Variants in ZNF675 observed in about 807,000 individuals in gnomAD.
ZNF675 encodes the protein TRAF6 inhibitory zinc finger.
ZNF675 carries 36 observed loss-of-function variants against 56.1 expected under a neutral mutation model. The observed-to-expected ratio is 0.64, with a 90% CI of 0.49 to 0.85. The LOEUF (loss-of-function observed/expected upper bound fraction) is 0.85, where lower values mean the gene tolerates loss of function less well. Among genes scored for constraint, ZNF675 ranks in the 40% least tolerant of loss-of-function variants. The pLI is 0.00. For missense variants in ZNF675, 663 were observed against 654.2 expected (o/e 1.01, Z -0.15); for synonymous variants, 200 against 218.9 (o/e 0.91, Z 0.76).
At chr19:23,685,826 A>G (rs1341079015) in intron 1 of ZNF675, among the ~76,000 whole-genome samples, 1 of 152,184 alleles carries the variant, frequency 6.6e-6, no homozygotes, top group Non-Finnish European at 1.5e-5. Flanking sequence ...ACTGCAAGTC[A>G]TAGTTAGTCT....
chr19:23,683,401 C>T (rs1968401957), intron 1 of ZNF675, among the ~76,000 whole-genome samples: 1 of 151,868 alleles, frequency 6.6e-6, no homozygotes, highest in South Asian at 2.1e-4. Context: ...ACTACATTTT[C>T]TTGTGGAAAG....
At chr19:23,684,149 C>T (rs1968412993) in intron 1 of ZNF675, among the ~76,000 whole-genome samples, 1 of 151,628 alleles carries the variant, frequency 6.6e-6, no homozygotes, top group African/African-American at 2.4e-5. Context: ...GTAATCCCAG[C>T]TACTCGGGAG....
At chr19:23,682,978 C>A (rs570133231) in intron 1 of ZNF675, among the ~76,000 whole-genome samples, 2 of 151,772 alleles carry the variant, frequency 1.3e-5, no homozygotes, top group African/African-American at 4.9e-5. Context: ...CACCTGAAGT[C>A]AGGAGTTCGA....
intron 1 of ZNF675, among the ~76,000 whole-genome samples, chr19:23,681,029 G>A (rs1162207104): frequency 6.6e-6 from 1 of 151,730 alleles, no homozygotes; most frequent in African/African-American, 2.4e-5. Flanking sequence ...TCCATGGGTG[G>A]AGGAGAGTGC....
At chr19:23,659,195 G>A (rs889914079) in intron 3 of ZNF675, among the ~76,000 whole-genome samples, 2 of 151,854 alleles carry the variant, frequency 1.3e-5, no homozygotes, top group Non-Finnish European at 2.9e-5. Context: ...AATATGGAGT[G>A]CCTACAAATT....
chr19:23,653,595 A>G lies in ZNF675; in HGVS notation c.1338T>C (p.His446=). The G allele has an allele frequency of 6.2e-7, 1 of 1,612,810 alleles. No homozygotes were observed. The highest frequency in any genetic ancestry group is 1.1e-5 in the South Asian group (1 of 90,956). The change falls in exon 4 of 4, where the codon CAT becomes CAC. Residue 446 remains histidine, a synonymous_variant. Coordinates refer to ENST00000359788, the MANE Select transcript of ZNF675 (RefSeq NM_138330.3). ...SSKLTEHKKL[H]TGKKPYKCEE... The stretch of plus-strand genomic sequence containing the variant: ...CACATTTGTAGGGTTTCTTTCCAGT[A>G]TGAAGTTTCTTATGTTCAGTAAGTT...
At chr19:23,675,066 A>G (rs1968278983) in intron 1 of ZNF675, among the ~76,000 whole-genome samples, 1 of 151,832 alleles carries the variant, frequency 6.6e-6, no homozygotes, top group East Asian at 1.9e-4. Context: ...ACTCTTCGAC[A>G]TCTTAATTTT....
chr19:23,667,154 G>A (rs566645344), intron 1 of ZNF675, among the ~76,000 whole-genome samples: 1 of 152,012 alleles, frequency 6.6e-6, no homozygotes, highest in East Asian at 1.9e-4. Context: ...AGACCTTCGC[G>A]GTGAGTGTTA....
At chr19:23,670,002 C>A (rs1968208386) in intron 1 of ZNF675, among the ~76,000 whole-genome samples, 1 of 152,064 alleles carries the variant, frequency 6.6e-6, no homozygotes, top group Non-Finnish European at 1.5e-5. Flanking sequence ...CCCAGAGACC[C>A]CAGTCTGGGC....
intron 1 of ZNF675, among the ~76,000 whole-genome samples, chr19:23,679,239 CACTT>C (rs1599423845): frequency 1.3e-5 from 2 of 149,500 alleles, no homozygotes; most frequent in Middle Eastern, 3.4e-3. Flanking sequence ...TAATGCCACA[CACTT>C]ACAACCATAC....
intron 1 of ZNF675, among the ~76,000 whole-genome samples, chr19:23,678,125 G>GA (rs901443572): frequency 6.6e-6 from 1 of 151,352 alleles, no homozygotes; most frequent in African/African-American, 2.4e-5. Context: ...GTCTTGGGGG[G>GA]AAAAAAAGTC....
intron 1 of ZNF675, among the ~76,000 whole-genome samples, chr19:23,679,390 ATAAAT>A (rs1198172530): frequency 6.6e-6 from 1 of 151,540 alleles, no homozygotes; most frequent in Non-Finnish European, 1.5e-5. Context: ...AATTAACAAG[ATAAAT>A]TAAAGACTTA....
At chr19:23,669,567 T>C (rs1435871222) in intron 1 of ZNF675, among the ~76,000 whole-genome samples, 2 of 152,028 alleles carry the variant, frequency 1.3e-5, no homozygotes, top group East Asian at 3.9e-4. Context: ...ATGGGATAGA[T>C]AAACCTTTAA....
rs1282498511 is a variant in ZNF675 at position 23,658,964 on chromosome 19, G to GATATAGATCTCTAGATAGAGATCT, written c.226+3149_226+3150insAGATCTCTATCTAGAGATCTATAT. 1.1e-3 allele frequency among the ~76,000 whole-genome samples: 10 copies of GATATAGATCTCTAGATAGAGATCT among 8,772 alleles called. No individual in the cohort carries two copies. In the Non-Finnish European group the frequency reaches 0.012, roughly 11 times the overall value. The allele number at this position is 8,772 out of a possible 152,430, so 5.8% of individuals were successfully genotyped here. ...AGATATAGATCTCTAGAGATCTATA[G>GATATAGATCTCTAGATAGAGATCT]ATAGATATAGATCTAGAGATAGAGA... On this transcript the variant is annotated intron_variant, in intron 3 of 3. Transcript: ENST00000359788.
At chr19:23,671,533 A>C (rs1023936953) in intron 1 of ZNF675, among the ~76,000 whole-genome samples, 2 of 152,052 alleles carry the variant, frequency 1.3e-5, no homozygotes, top group Non-Finnish European at 2.9e-5. Context: ...ATGCAAAGGT[A>C]CCAGTCATTA....
At chr19:23,664,201 G>GA (rs986472664) in intron 1 of ZNF675, among the ~76,000 whole-genome samples, 4 of 151,860 alleles carry the variant, frequency 2.6e-5, no homozygotes, top group Non-Finnish European at 5.9e-5. Flanking sequence ...ATGTTTAACT[G>GA]AAAAAAAGCC....
At chr19:23,679,992 C>G (rs142856317) in intron 1 of ZNF675, among the ~76,000 whole-genome samples, 3 of 148,286 alleles carry the variant, frequency 2.0e-5, no homozygotes, top group East Asian at 4.1e-4. Flanking sequence ...CTCCGTACCC[C>G]CCCCCAAAAA....
intron 3 of ZNF675, among the ~76,000 whole-genome samples, chr19:23,657,501 G>A (rs990261212): frequency 1.3e-5 from 2 of 152,164 alleles, no homozygotes; most frequent in Non-Finnish European, 2.9e-5. Flanking sequence ...TGGATCACCT[G>A]AGGTCGGGAG....
intron 3 of ZNF675, chr19:23,654,924 T>TA: frequency 2.5e-6 from 1 of 406,652 alleles, no homozygotes; most frequent in Non-Finnish European, 4.3e-6. Flanking sequence ...TACTCCCCAA[T>TA]ATAACATAAT....
Sources: allele counts gnomAD v4.1 joint callset (sites outside exome capture counted in the v4.1 genomes callset), GRCh38; gene constraint gnomAD v4.1.1; transcripts MANE v1.5; gene names NCBI Gene and HGNC (gene_info 2026-07-23, HGNC 2026-07-21).